CDH12: variants seen among roughly 807,000 people sequenced by gnomAD.
The protein encoded by CDH12 is cadherin-12.
CDH12 carries 41 observed loss-of-function variants against 74.1 expected under a neutral mutation model. That is an observed-to-expected ratio of 0.55 (90% confidence interval 0.43 to 0.72). The LOEUF (loss-of-function observed/expected upper bound fraction) is 0.72, where lower values mean the gene tolerates loss of function less well. CDH12 is among the 30% of genes least tolerant of loss of function. The pLI is 0.00. For missense variants in CDH12, 945 were observed against 977.2 expected (o/e 0.97, Z 0.44); for synonymous variants, 399 against 355.0 (o/e 1.12, Z -1.39).
intron 2 of CDH12, among the ~76,000 whole-genome samples, chr5:22,491,965 T>C (rs1746890305): frequency 6.6e-6 from 1 of 152,194 alleles, no homozygotes; most frequent in Non-Finnish European, 1.5e-5. Flanking sequence ...CACATTGGAT[T>C]AGGGCTCACT....
At chr5:22,566,946 C>T (rs1319226415) in intron 1 of CDH12, among the ~76,000 whole-genome samples, 1 of 152,058 alleles carries the variant, frequency 6.6e-6, no homozygotes, top group Admixed American at 6.6e-5. Flanking sequence ...TGAAAATACT[C>T]CTATGACATT....
Position 22,328,375 on chromosome 5 carries a change from T to C in CDH12, c.-333+76882A>G, listed in dbSNP as rs920457875. On this transcript the variant is annotated intron_variant, in intron 3 of 14. Coordinates refer to ENST00000382254, the MANE Select transcript of CDH12 (RefSeq NM_004061.5). ...ATAAAGGAGGTGCTTAGGTTGAAAT[T>C]TGTTTATTTGTTCACCACATTCATT... Among the ~76,000 whole-genome samples the C allele has an allele frequency of 1.9e-4, 29 of 152,212 alleles. 2 individuals are homozygous for C.
chr5:22,130,078 G>T, intron 4 of CDH12, among the ~76,000 whole-genome samples: 1 of 150,988 alleles, frequency 6.6e-6, no homozygotes, highest in East Asian at 1.9e-4. Flanking sequence ...GTAGGAAATT[G>T]AGATACCATA....
intron 2 of CDH12, among the ~76,000 whole-genome samples, chr5:22,453,874 TTA>T (rs1206730075): frequency 6.6e-6 from 1 of 152,126 alleles, no homozygotes; most frequent in African/African-American, 2.4e-5. Flanking sequence ...AAGTAATCGA[TTA>T]TTTTAATATT....
chr5:21,931,301 C>G (rs898737225), intron 6 of CDH12, among the ~76,000 whole-genome samples: 1 of 152,140 alleles, frequency 6.6e-6, no homozygotes, highest in Non-Finnish European at 1.5e-5. Flanking sequence ...TTTCCTCACA[C>G]TGGTTCCCAG....
rs1580505629 is a variant in CDH12 at position 22,307,772 on chromosome 5, A to G, written c.-332-95129T>C. On this transcript the variant is annotated intron_variant, in intron 3 of 14. Coordinates refer to ENST00000382254, the MANE Select transcript of CDH12 (RefSeq NM_004061.5). ...TGCTATCCCAACCCTAGTAACTAAT[A>G]TGGGTCATTTTGGCACTCAGTGTCC... Among the ~76,000 whole-genome samples the G allele has an allele frequency of 2.0e-5, 3 of 150,838 alleles. No homozygotes were observed. The South Asian group carries it at 6.3e-4, about 31-fold the overall frequency.
At chr5:22,382,140 TTA>T (rs917198914) in intron 3 of CDH12, among the ~76,000 whole-genome samples, 1 of 145,666 alleles carries the variant, frequency 6.9e-6, no homozygotes, top group African/African-American at 2.5e-5. Context: ...ATAAACATGT[TTA>T]TATATTTATA....
chr5:21,823,370 A>G lies in CDH12; in HGVS notation c.815-6238T>C, dbSNP rs554373204. Reference sequence around the variant, plus strand: ...CCTGTCTTACCAGTTTGTTTGTTCAATAACTCCCACTGGGACCTATCATCT... The same window carrying G: ...CCTGTCTTACCAGTTTGTTTGTTCAGTAACTCCCACTGGGACCTATCATCT... On this transcript the variant is annotated intron_variant, in intron 8 of 14. Transcript: ENST00000382254. 2.6e-5 allele frequency among the ~76,000 whole-genome samples: 4 copies of G among 152,222 alleles called. No individual in the cohort carries two copies. The East Asian group carries it at 7.7e-4, about 29-fold the overall frequency.
chr5:22,294,589 G>A (rs1737542780), intron 3 of CDH12, among the ~76,000 whole-genome samples: 1 of 152,116 alleles, frequency 6.6e-6, no homozygotes, highest in South Asian at 2.1e-4. Flanking sequence ...TGGAACTGGG[G>A]TTAATCTGAA....
chr5:22,246,279 C>T (rs1752941466), intron 3 of CDH12, among the ~76,000 whole-genome samples: 3 of 151,994 alleles, frequency 2.0e-5, no homozygotes, highest in South Asian at 4.1e-4. Flanking sequence ...AGACATAGTA[C>T]CAGTCTTAGT....
chr5:22,054,430 TAAG>T (rs1740596717), intron 5 of CDH12, among the ~76,000 whole-genome samples: 1 of 152,120 alleles, frequency 6.6e-6, no homozygotes, highest in Admixed American at 6.6e-5. Flanking sequence ...TTCGGCCTTC[TAAG>T]AAGACTAGAA....
chr5:22,564,706 A>T (rs1471220573), intron 1 of CDH12, among the ~76,000 whole-genome samples: 2 of 152,096 alleles, frequency 1.3e-5, no homozygotes, highest in African/African-American at 4.8e-5. Context: ...GGACTTCTTT[A>T]TATAATGCAT....
chr5:22,837,461 C>T (rs1349369877), intron 1 of CDH12, among the ~76,000 whole-genome samples: 3 of 151,860 alleles, frequency 2.0e-5, no homozygotes, highest in African/African-American at 4.8e-5. Context: ...AAGAAAAAAT[C>T]GTATAATTAA....
intron 9 of CDH12, among the ~76,000 whole-genome samples, chr5:21,812,923 A>G (rs935776304): frequency 1.3e-5 from 2 of 152,134 alleles, no homozygotes; most frequent in African/African-American, 2.4e-5. Context: ...AAGAAAATCC[A>G]TGTGTTTTAT....
chr5:21,780,908 G>A (rs1421231554), intron 11 of CDH12, among the ~76,000 whole-genome samples: 1 of 152,162 alleles, frequency 6.6e-6, no homozygotes, highest in African/African-American at 2.4e-5. Context: ...AACTATAATA[G>A]AATGTGGTAT....
At chr5:22,619,292 G>A (rs1253076883) in intron 1 of CDH12, among the ~76,000 whole-genome samples, 1 of 152,042 alleles carries the variant, frequency 6.6e-6, no homozygotes, top group Non-Finnish European at 1.5e-5. Flanking sequence ...TTTAAAAAGA[G>A]GCACAATCCT....
chr5:21,925,956 T>C (rs1754566483), intron 6 of CDH12, among the ~76,000 whole-genome samples: 1 of 151,416 alleles, frequency 6.6e-6, no homozygotes. Context: ...AAAAAAGAAA[T>C]GATTTCTGGC....
chr5:22,725,110 T>C (rs1474615442), intron 1 of CDH12, among the ~76,000 whole-genome samples: 2 of 151,818 alleles, frequency 1.3e-5, no homozygotes, highest in Non-Finnish European at 2.9e-5. Context: ...ATGAGAAAAA[T>C]CCGGATTTGA....
At chr5:22,540,066 C>A (rs1186203051) in intron 1 of CDH12, among the ~76,000 whole-genome samples, 4 of 152,056 alleles carry the variant, frequency 2.6e-5, no homozygotes, top group Non-Finnish European at 4.4e-5. Context: ...AGCCAATATT[C>A]CAAGTGAACT....
Sources: gnomAD v4.1 joint callset for allele counts (sites outside exome capture counted in the v4.1 genomes callset) on GRCh38, gnomAD v4.1.1 for gene constraint, MANE v1.5 for transcripts, NCBI Gene and HGNC (gene_info 2026-07-23, HGNC 2026-07-21) for gene names.